EMID1: variants seen among roughly 807,000 people sequenced by gnomAD.
The protein encoded by EMID1 is EMI domain containing 1.
Under a neutral mutation model 60.6 loss-of-function variants are expected in EMID1, and 40 were observed. That is an observed-to-expected ratio of 0.66 (90% CI 0.51 to 0.86). The LOEUF (loss-of-function observed/expected upper bound fraction) is 0.86, where lower values mean the gene tolerates loss of function less well. Ranked by LOEUF, EMID1 falls within the 40% of genes least tolerant of loss-of-function variation. EMID1 has a pLI of 0.00. For missense variants in EMID1, 585 were observed against 597.1 expected (o/e 0.98, Z 0.21); for synonymous variants, 242 against 231.0 (o/e 1.05, Z -0.43).
chr22:29,258,170 G>A (rs993420624), intron 14 of EMID1, among the ~76,000 whole-genome samples: 1 of 152,152 alleles, frequency 6.6e-6, no homozygotes, highest in Non-Finnish European at 1.5e-5. Context: ...CTATTCTTCT[G>A]ACCTGCCTGG....
chr22:29,209,901 T>C (rs1361738507), intron 1 of EMID1, among the ~76,000 whole-genome samples: 1 of 152,092 alleles, frequency 6.6e-6, no homozygotes, highest in Non-Finnish European at 1.5e-5. Context: ...GGCTGCGGAC[T>C]CCACAGTGGG....
chr22:29,218,087 C>G (rs2040151302), intron 3 of EMID1, among the ~76,000 whole-genome samples: 1 of 152,246 alleles, frequency 6.6e-6, no homozygotes, highest in Non-Finnish European at 1.5e-5. Context: ...ATCTGGAAGT[C>G]ACCCAGCATG....
intron 5 of EMID1, among the ~76,000 whole-genome samples, chr22:29,229,778 C>T (rs896041780): frequency 8.5e-5 from 13 of 152,214 alleles, no homozygotes; most frequent in Admixed American, 3.3e-4. Flanking sequence ...CCAGGAGAAG[C>T]CCATGTAAGA....
chr22:29,246,431 G>A (rs1034802291), intron 13 of EMID1, among the ~76,000 whole-genome samples: 1 of 151,998 alleles, frequency 6.6e-6, no homozygotes, highest in African/African-American at 2.4e-5. Flanking sequence ...ACAGTAGGTC[G>A]GGGGCTGTCG....
chr22:29,214,883 C>A, intron 1 of EMID1, 43 bp from the exon 2 acceptor site: 1 of 1,421,580 alleles, frequency 7.0e-7, no homozygotes, highest in South Asian at 1.4e-5. Context: ...CAGCAGGGGA[C>A]CCTGTGTGGT....
chr22:29,249,146 T>C (rs986727888), intron 13 of EMID1, among the ~76,000 whole-genome samples: 1 of 152,250 alleles, frequency 6.6e-6, no homozygotes, highest in African/African-American at 2.4e-5. Flanking sequence ...TCGTCATACT[T>C]AAGAAAGCTA....
At chr22:29,209,548 C>G (rs906966377) in intron 1 of EMID1, among the ~76,000 whole-genome samples, 10 of 152,168 alleles carry the variant, frequency 6.6e-5, no homozygotes, top group Admixed American at 2.0e-4. Context: ...TGCCTGTTCT[C>G]CATCATTCAG....
intron 11 of EMID1, 43 bp downstream of exon 11, chr22:29,234,242 C>T (rs1338124678): frequency 6.2e-7 from 1 of 1,610,348 alleles, no homozygotes; most frequent in Admixed American, 1.7e-5. Flanking sequence ...TCTGGGGAGT[C>T]CTGAGGGCCC....
Position 29,222,809 on chromosome 22 carries a change from T to C in EMID1, c.320-2324T>C, listed in dbSNP as rs1428862541. On this transcript the variant is annotated intron_variant, in intron 3 of 14. Coordinates refer to ENST00000334018, the MANE Select transcript of EMID1 (RefSeq NM_133455.4). ...TATTCATCAACAAAAGTTTTATACA[T>C]GGCCGGGCGCGATGGCTTATGCCTA... is the stretch of plus-strand genomic sequence containing the variant. Among the ~76,000 whole-genome samples, 3 of 152,120 alleles carry C rather than the reference T, an allele frequency of 2.0e-5. No individual in the cohort carries two copies. In the East Asian group the frequency reaches 5.9e-4, roughly 30 times the overall value.
rs778336091 is a variant in EMID1 at position 29,232,352 on chromosome 22, C to G, written c.773C>G (p.Pro258Arg). 5 of 1,606,206 alleles carry G rather than the reference C, an allele frequency of 3.1e-6. No individual in the cohort carries two copies. Among genetic ancestry groups the G allele is most frequent in the Non-Finnish European group, 4.2e-6 (5 of 1,176,986 alleles). ...GGGCCACCAGGGCCTCCTGGCCCCC[C>G]TGGGCCCCCAGCCCCTGTTGGGCCA... is the stretch of plus-strand genomic sequence containing the variant. ...PPGPPGPPGP[P>R]GPPAPVGPPH... Residue 258 changes from proline to arginine, a missense_variant, in exon 8 of 15, where the codon CCT (proline) becomes CGT (arginine). Transcript: ENST00000334018.
intron 12 of EMID1, among the ~76,000 whole-genome samples, chr22:29,236,379 C>T (rs2040949106): frequency 6.6e-6 from 1 of 152,028 alleles, no homozygotes; most frequent in Non-Finnish European, 1.5e-5. Context: ...GTGACAGAAC[C>T]AGACCTTGCC....
At chr22:29,245,138 T>G (rs571418714) in intron 13 of EMID1, among the ~76,000 whole-genome samples, 2 of 152,074 alleles carry the variant, frequency 1.3e-5, no homozygotes, top group Non-Finnish European at 2.9e-5. Context: ...CCAGTTAGCC[T>G]CTCCTGGCCC....
In EMID1 at chr22:29,252,892, G is replaced by C. The variant is rs117374998; in HGVS notation, c.1120-1311G>C. On this transcript the variant is annotated intron_variant, in intron 13 of 14. Coordinates refer to ENST00000334018, the MANE Select transcript of EMID1 (RefSeq NM_133455.4). Reference sequence around the variant, plus strand: ...GTGAGCACTGTTTTCCAGGCAGGGAGCCCAAAGCGTGAAGACCTGGGGAAG... The same window carrying C: ...GTGAGCACTGTTTTCCAGGCAGGGACCCCAAAGCGTGAAGACCTGGGGAAG... 5.9e-3 allele frequency among the ~76,000 whole-genome samples: 897 copies of C among 152,312 alleles called. 4 individuals carry two copies. Among genetic ancestry groups the C allele is most frequent in the Non-Finnish European group, 8.5e-3 (579 of 68,018 alleles).
intron 13 of EMID1, among the ~76,000 whole-genome samples, chr22:29,253,331 C>T (rs2041591488): frequency 6.6e-6 from 1 of 152,096 alleles, no homozygotes; most frequent in Admixed American, 6.5e-5. Flanking sequence ...GCCTGTAATC[C>T]CAGCCCTTTG....
At chr22:29,237,572 G>A (rs2041000607) in intron 12 of EMID1, among the ~76,000 whole-genome samples, 1 of 143,728 alleles carries the variant, frequency 7.0e-6, no homozygotes, top group Non-Finnish European at 1.5e-5. Context: ...GCCGAGGTGG[G>A]CAGATCATGA....
chr22:29,245,489 C>T (rs2041297773), intron 13 of EMID1, among the ~76,000 whole-genome samples: 2 of 152,214 alleles, frequency 1.3e-5, no homozygotes, highest in African/African-American at 4.8e-5. Context: ...CACCTTCCTG[C>T]CCCTCTTCTA....
rs764653508 is a variant in EMID1, at chr22:29,254,225, G to T, written c.1142G>T (p.Arg381Leu). ...SHWGEGLHQL[R>L]EALKILAERV... ...CAGGGGGAGGGGTTGCACCAGCTAC[G>T]CGAGGCTTTGAAGATTTTAGCTGAG... Residue 381 changes from arginine (R) to leucine (L), a missense_variant, in exon 14 of 15, where the codon CGC becomes CTC. By Grantham distance (102) the Arg-to-Leu change is moderately radical (BLOSUM62 -2). Coordinates refer to ENST00000334018, the MANE Select transcript of EMID1 (RefSeq NM_133455.4). The T allele has an allele frequency of 3.7e-6, 6 of 1,614,074 alleles. No individual in the cohort carries two copies. In the African/African-American group the frequency reaches 4.0e-5, roughly 11 times the overall value.
chr22:29,221,084 TG>T (rs2040276325), intron 3 of EMID1, among the ~76,000 whole-genome samples: 3 of 76,132 alleles, frequency 3.9e-5, no homozygotes, highest in South Asian at 1.2e-3. Context: ...TGTGTGTGTG[TG>T]TGTGTGTGTG....
intron 4 of EMID1, among the ~76,000 whole-genome samples, chr22:29,225,488 C>T (rs132390): frequency 0.96 from 146,592 of 152,326 alleles, 70,545 homozygotes; most frequent in East Asian, 1. Context: ...CCCCATTTCC[C>T]CTTTTTATTT....
Sources: allele counts gnomAD v4.1 joint callset (sites outside exome capture counted in the v4.1 genomes callset), GRCh38; gene constraint gnomAD v4.1.1; transcripts MANE v1.5; gene names NCBI Gene and HGNC (gene_info 2026-07-23, HGNC 2026-07-21).